ROBO2: variants seen among roughly 807,000 people sequenced by gnomAD.
ROBO2 encodes the protein roundabout homolog 2.
ROBO2 carries 53 observed loss-of-function variants against 160.8 expected under a neutral mutation model. The ratio of observed to expected loss-of-function variants is 0.33; its 90% CI spans 0.26 to 0.41. The LOEUF (loss-of-function observed/expected upper bound fraction) is 0.41, where lower values mean the gene tolerates loss of function less well. Ranked by LOEUF, ROBO2 falls within the 10% of genes least tolerant of loss-of-function variation. ROBO2 has a pLI of 1.00. For missense variants in ROBO2, 1,577 were observed against 1,722.4 expected, an observed-to-expected ratio of 0.92 and a Z score of 1.49; for synonymous variants, 664 against 611.7, an observed-to-expected ratio of 1.09 and a Z score of -1.26.
intron 2 of ROBO2, among the ~76,000 whole-genome samples, chr3:76,028,366 C>G (rs2066811559): frequency 6.6e-6 from 1 of 151,798 alleles, no homozygotes; most frequent in Admixed American, 6.6e-5. Context: ...GATGAAGACA[C>G]TAATAAGAGT....
At chr3:76,481,087 A>G (rs2079182476) in intron 2 of ROBO2, among the ~76,000 whole-genome samples, 1 of 152,178 alleles carries the variant, frequency 6.6e-6, no homozygotes, top group South Asian at 2.1e-4. Context: ...GATAGGAGAT[A>G]TGAGCAAGGA....
chr3:76,442,364 ACTT>A, intron 2 of ROBO2, among the ~76,000 whole-genome samples: 1 of 152,148 alleles, frequency 6.6e-6, no homozygotes, highest in East Asian at 1.9e-4. Context: ...CTCTCCAGAG[ACTT>A]CTTCAGACGT....
chr3:77,242,441 G>T (rs1280087413), intron 2 of ROBO2, among the ~76,000 whole-genome samples: 3 of 152,224 alleles, frequency 2.0e-5, no homozygotes. Flanking sequence ...GTATAGGAAG[G>T]TATTTAAGAA....
intron 2 of ROBO2, among the ~76,000 whole-genome samples, chr3:77,416,024 G>T (rs774901918): frequency 5.3e-5 from 8 of 152,172 alleles, no homozygotes; most frequent in Non-Finnish European, 1.2e-4. Flanking sequence ...CTACTGTTTG[G>T]TGGGTTCCGT....
chr3:76,905,866 A>G (rs2075568408), intron 2 of ROBO2, among the ~76,000 whole-genome samples: 1 of 152,224 alleles, frequency 6.6e-6, no homozygotes. Context: ...GAATCAGTAC[A>G]GTAAAATCTG....
chr3:76,651,835 C>G (rs2091270898), intron 2 of ROBO2, among the ~76,000 whole-genome samples: 1 of 152,096 alleles, frequency 6.6e-6, no homozygotes, highest in Non-Finnish European at 1.5e-5. Context: ...TGTATTGGTC[C>G]TTGTTCTTAG....
intron 2 of ROBO2, among the ~76,000 whole-genome samples, chr3:77,253,342 G>A (rs1045566354): frequency 9.8e-5 from 15 of 152,292 alleles, no homozygotes; most frequent in Admixed American, 7.8e-4. Context: ...AAATATACTT[G>A]TGTGGAAGGG....
intron 2 of ROBO2, among the ~76,000 whole-genome samples, chr3:77,000,267 A>G (rs1017230311): frequency 6.6e-6 from 1 of 152,210 alleles, no homozygotes; most frequent in African/African-American, 2.4e-5. Flanking sequence ...ATATCTGCAC[A>G]TATACCTGGT....
chr3:77,214,608 T>C (rs532658779), intron 2 of ROBO2, among the ~76,000 whole-genome samples: 228 of 152,368 alleles, frequency 1.5e-3, no homozygotes, highest in South Asian at 8.3e-3. Flanking sequence ...ATGTGTGAAT[T>C]TGAACCTGTC....
intron 2 of ROBO2, among the ~76,000 whole-genome samples, chr3:76,315,451 G>T (rs558841431): frequency 6.6e-6 from 1 of 152,222 alleles, no homozygotes; most frequent in African/African-American, 2.4e-5. Flanking sequence ...ACATACTACG[G>T]TATTGCAACA....
intron 2 of ROBO2, among the ~76,000 whole-genome samples, chr3:76,799,428 C>T (rs1190946636): frequency 6.6e-6 from 1 of 151,656 alleles, no homozygotes; most frequent in Non-Finnish European, 1.5e-5. Context: ...AGGAAAACGT[C>T]TAATTATCTT....
chr3:76,098,702 C>T lies in ROBO2; in HGVS notation c.109+161100C>T, dbSNP rs536549243. Among the ~76,000 whole-genome samples the T allele has an allele frequency of 1.5e-4, 23 of 152,096 alleles. No individual in the cohort carries two copies. In the South Asian group the frequency reaches 4.6e-3, roughly 30 times the overall value. ...ATAGTTTTAATTTAAGAAATAATGG[C>T]TCTTAACAAAGTAAACATTATGGTG... On this transcript the variant is annotated intron_variant, in intron 2 of 26. Coordinates refer to the ROBO2 transcript ENST00000487694.
intron 2 of ROBO2, among the ~76,000 whole-genome samples, chr3:76,584,942 G>A (rs1328474527): frequency 3.9e-5 from 6 of 152,136 alleles, no homozygotes; most frequent in African/African-American, 9.7e-5. Flanking sequence ...TGAATCATAT[G>A]AATAAAAATA....
intron 2 of ROBO2, among the ~76,000 whole-genome samples, chr3:77,336,896 T>C (rs1322613284): frequency 6.6e-6 from 1 of 152,104 alleles, no homozygotes; most frequent in Non-Finnish European, 1.5e-5. Flanking sequence ...TGTAAAATAG[T>C]AGTGAGGAAA....
rs148151847 is a variant in ROBO2 at position 76,877,689 on chromosome 3, C to A, written c.110-220325C>A. ...TGCTGTCTTAGTTGGCTCCAGCTGC[C>A]ATAGCAAATTACCATAGACTGGGTG... On this transcript the variant is annotated intron_variant, in intron 2 of 26. Coordinates refer to the ROBO2 transcript ENST00000487694. Among the ~76,000 whole-genome samples the A allele has an allele frequency of 2.7e-3, 409 of 152,280 alleles. 2 individuals carry two copies. Among genetic ancestry groups the A allele is most frequent in the African/African-American group, 9.3e-3 (388 of 41,560 alleles).
chr3:77,168,009 A>G (rs1437587057), intron 2 of ROBO2, among the ~76,000 whole-genome samples: 1 of 152,214 alleles, frequency 6.6e-6, no homozygotes, highest in Non-Finnish European at 1.5e-5. Flanking sequence ...AAATGAGAAA[A>G]AATAATGAAC....
intron 2 of ROBO2, among the ~76,000 whole-genome samples, chr3:76,499,358 T>A (rs1321345335): frequency 6.6e-6 from 1 of 152,174 alleles, no homozygotes; most frequent in Non-Finnish European, 1.5e-5. Flanking sequence ...GAAAAAATGA[T>A]ATCTTGTATA....
chr3:77,475,037 G>T (rs2083829128), intron 2 of ROBO2, among the ~76,000 whole-genome samples: 1 of 151,614 alleles, frequency 6.6e-6, no homozygotes, highest in Non-Finnish European at 1.5e-5. Context: ...GCTGCCTATG[G>T]TGGAACCTGC....
intron 2 of ROBO2, among the ~76,000 whole-genome samples, chr3:77,474,794 T>C (rs1560939525): frequency 6.6e-6 from 1 of 152,200 alleles, no homozygotes; most frequent in Non-Finnish European, 1.5e-5. Flanking sequence ...GCTAACACTT[T>C]CTTGTTTTTA....
Sources: gnomAD v4.1 joint callset for allele counts (sites outside exome capture counted in the v4.1 genomes callset) on GRCh38, gnomAD v4.1.1 for gene constraint, MANE v1.5 for transcripts, NCBI Gene and HGNC (gene_info 2026-07-23, HGNC 2026-07-21) for gene names.